Variants in NEURL1 observed in about 807,000 individuals in gnomAD.
NEURL1 encodes the protein neuralized E3 ubiquitin protein ligase 1.
A neutral mutation model predicts 41.2 loss-of-function variants in NEURL1; 26 were observed. The observed-to-expected ratio is 0.63, with a 90% CI of 0.46 to 0.87. The LOEUF (loss-of-function observed/expected upper bound fraction) is 0.87, where lower values mean the gene tolerates loss of function less well. Among genes scored for constraint, NEURL1 ranks in the 40% least tolerant of loss-of-function variants. The pLI, the probability that NEURL1 is intolerant of heterozygous loss-of-function variation, is 0.00. For synonymous variants in NEURL1, 400 were observed against 402.3 expected (o/e 0.99, Z 0.07); for missense variants, 761 against 871.1 (o/e 0.87, Z 1.59).
rs571614546 is a variant in NEURL1 at position 103,590,426 on chromosome 10, C to A, written c.*54C>A. On this transcript the variant is annotated 3_prime_UTR_variant, in exon 6 of 6. Transcript: ENST00000369780. ...CATCTTCTCGGGCTTCAGCCCAGTC[C>A]CAGCTGAGGAACAAGCCAGTGGGGC... 24 of 1,491,476 alleles carry A rather than the reference C, an allele frequency of 1.6e-5. No homozygotes were observed. The Admixed American group carries it at 2.5e-4, about 16-fold the overall frequency. The allele number at this position is 1,491,476 out of a possible 1,614,324, so 92.4% of individuals were successfully genotyped here.
At chr10:103,564,866 A>G (rs1282017799) in intron 1 of NEURL1, among the ~76,000 whole-genome samples, 1 of 152,034 alleles carries the variant, frequency 6.6e-6, no homozygotes, top group Non-Finnish European at 1.5e-5. Flanking sequence ...CCTGCCTCCA[A>G]GATTTTAATG....
At chr10:103,579,961 T>TA (rs776847198) in intron 3 of NEURL1, among the ~76,000 whole-genome samples, 1 of 151,658 alleles carries the variant, frequency 6.6e-6, no homozygotes, top group Non-Finnish European at 1.5e-5. Flanking sequence ...ATAATAATAA[T>TA]AAAAAAAACA....
At chr10:103,571,215 A>G in intron 2 of NEURL1, 102 bp downstream of exon 2, 4 of 1,175,602 alleles carry the variant, frequency 3.4e-6, no homozygotes, top group South Asian at 1.4e-5. Flanking sequence ...GCCTGCTGCC[A>G]CCCCCAGCAC....
At chr10:103,550,293 A>G (rs2035007745) in intron 1 of NEURL1, among the ~76,000 whole-genome samples, 1 of 152,138 alleles carries the variant, frequency 6.6e-6, no homozygotes, top group Non-Finnish European at 1.5e-5. Context: ...GATGGCAGGG[A>G]AAAGAGGGAC....
intron 1 of NEURL1, among the ~76,000 whole-genome samples, chr10:103,495,151 G>A (rs547538791): frequency 3.3e-5 from 5 of 152,294 alleles, no homozygotes; most frequent in African/African-American, 1.2e-4. Flanking sequence ...CCCTCAGGGT[G>A]GCCCTAGGCC....
intron 1 of NEURL1, among the ~76,000 whole-genome samples, chr10:103,539,840 T>C (rs986223994): frequency 6.6e-6 from 1 of 152,240 alleles, no homozygotes; most frequent in African/African-American, 2.4e-5. Context: ...AAGGCTCCTT[T>C]AAAGAGGGGC....
intron 1 of NEURL1, among the ~76,000 whole-genome samples, chr10:103,502,774 T>C (rs1385572378): frequency 6.6e-6 from 1 of 152,022 alleles, no homozygotes; most frequent in Non-Finnish European, 1.5e-5. Context: ...AGAGTGAGGA[T>C]AGGAAGGAGG....
chr10:103,567,604 C>T (rs1371245000), intron 1 of NEURL1, among the ~76,000 whole-genome samples: 1 of 151,874 alleles, frequency 6.6e-6, no homozygotes, highest in Admixed American at 6.6e-5. Context: ...GCTTTTGTTC[C>T]CCAAGCCGGT....
At chr10:103,580,753 G>A (rs1342962270) in intron 3 of NEURL1, among the ~76,000 whole-genome samples, 2 of 152,246 alleles carry the variant, frequency 1.3e-5, no homozygotes, top group Admixed American at 6.5e-5. Flanking sequence ...CTAGGGATTC[G>A]TTCCGTTTTT....
intron 3 of NEURL1, among the ~76,000 whole-genome samples, chr10:103,579,179 C>T (rs1278811783): frequency 6.6e-6 from 1 of 152,236 alleles, no homozygotes; most frequent in Non-Finnish European, 1.5e-5. Context: ...GGGCCCTCCT[C>T]AGTCTGTCTC....
chr10:103,538,601 C>A (rs991118640), intron 1 of NEURL1, among the ~76,000 whole-genome samples: 1 of 151,606 alleles, frequency 6.6e-6, no homozygotes, highest in Non-Finnish European at 1.5e-5. Flanking sequence ...TTCCAACCAC[C>A]TGCTACCCAC....
rs1315507431 is a variant in NEURL1 at position 103,558,406 on chromosome 10, G to A, written c.86-12466G>A. ...TTAGATCTCTGTGTACCTGTGTGAT[G>A]TGTCTCTAACTGTGGATTGAAGCGA... is the stretch of plus-strand genomic sequence containing the variant. On this transcript the variant is annotated intron_variant, in intron 1 of 5. Transcript: ENST00000369780. The surrounding 1 kb of genome is among the most constrained non-coding windows in gnomAD (Gnocchi z 4.2). Among the ~76,000 whole-genome samples, 2 of 152,032 alleles carry A rather than the reference G, an allele frequency of 1.3e-5. No homozygotes were observed. Among genetic ancestry groups the A allele is most frequent in the African/African-American group, 2.4e-5 (1 of 41,378 alleles).
In NEURL1 at chr10:103,494,337, G is replaced by A. The variant is rs763110156; in HGVS notation, c.-51G>A. On this transcript the variant is annotated 5_prime_UTR_variant, in exon 1 of 6. Transcript: ENST00000369780. Reference sequence around the variant, plus strand: ...ACTCGCACACCGCACCTCAGCGCCTGCCCGGCCTCGCCCCCACCCGCGAGC... The same window carrying A: ...ACTCGCACACCGCACCTCAGCGCCTACCCGGCCTCGCCCCCACCCGCGAGC... The A allele has an allele frequency of 1.8e-5, 27 of 1,496,022 alleles. No individual in the cohort carries two copies. The highest frequency in any genetic ancestry group is 2.4e-5 in the Non-Finnish European group (26 of 1,099,800). 92.7% of individuals were successfully genotyped at this position (1,496,022 alleles called of 1,614,324 possible).
intron 1 of NEURL1, among the ~76,000 whole-genome samples, chr10:103,560,454 C>T (rs1377365595): frequency 6.6e-6 from 1 of 152,300 alleles, no homozygotes; most frequent in African/African-American, 2.4e-5. Flanking sequence ...GGGGATGTTG[C>T]AGAGTGAGTG....
chr10:103,533,342 G>T (rs1202711889), intron 1 of NEURL1, among the ~76,000 whole-genome samples: 1 of 151,148 alleles, frequency 6.6e-6, no homozygotes, highest in African/African-American at 2.4e-5. Flanking sequence ...TTCTCTGACT[G>T]GGTAATTTCA....
chr10:103,592,374 C>T lies in NEURL1; in HGVS notation c.*2002C>T, dbSNP rs2036070899. On this transcript the variant is annotated 3_prime_UTR_variant, in exon 6 of 6. Coordinates refer to ENST00000369780, the MANE Select transcript of NEURL1 (RefSeq NM_004210.5). This position sits in a 1 kb window ranked among gnomAD's most constrained non-coding sequence, Gnocchi z 4.8. ...AGTCACTGACCCTGGGAGACCCCTT[C>T]TGTGTGGGAGGGAGCGGGGGCTGGC... is the stretch of plus-strand genomic sequence containing the variant. The T allele has an allele frequency of 6.6e-6, 1 of 152,532 alleles. No individual in the cohort carries two copies. Among genetic ancestry groups the T allele is most frequent in the Non-Finnish European group, 1.5e-5 (1 of 68,074 alleles). The allele number at this position is 152,532 out of a possible 1,614,324, so 9.4% of individuals were successfully genotyped here.
At chr10:103,570,765 C>T in intron 1 of NEURL1, 107 bp from the exon 2 acceptor site, 1 of 1,516,148 alleles carries the variant, frequency 6.6e-7, no homozygotes, top group African/African-American at 1.4e-5. Context: ...AAGAACTGGG[C>T]TCTGGGTGAC....
chr10:103,584,618 C>G lies in NEURL1; in HGVS notation c.732C>G (p.Asp244Glu). 3.5e-6 allele frequency: 5 copies of G among 1,415,582 alleles called. No homozygotes were observed. The highest frequency in any genetic ancestry group is 4.6e-6 in the Non-Finnish European group (5 of 1,090,960). The allele number at this position is 1,415,582 out of a possible 1,614,324, so 87.7% of individuals were successfully genotyped here. Residue 244 changes from aspartate (D) to glutamate (E), a missense_variant, in exon 4 of 6, where the codon GAC becomes GAG. Transcript: ENST00000369780. ...GGCCGTCGCTGCGGCGCGAGGCGGA[C>G]GACGCGCGCCTCTCGGTGAGCCTAT... ...LRRPSLRREADDARLSVSLCD... is the reference protein window; with the variant it reads ...LRRPSLRREAEDARLSVSLCD...
chr10:103,585,297 G>A lies in NEURL1; in HGVS notation c.1339+72G>A, dbSNP rs2035895931. On this transcript the variant is annotated intron_variant, in intron 4 of 5. Coordinates refer to ENST00000369780, the MANE Select transcript of NEURL1 (RefSeq NM_004210.5). ...GGGACGATCCGGGTAGGAGACAAAGGGCGAGCTCCCCTTCCTCCAGGCTCA... is the reference window on the plus strand; with the variant it reads ...GGGACGATCCGGGTAGGAGACAAAGAGCGAGCTCCCCTTCCTCCAGGCTCA... 5 of 1,298,842 alleles carry A rather than the reference G, an allele frequency of 3.8e-6. No homozygotes were observed. The South Asian group carries it at 7.8e-5, about 20-fold the overall frequency. The allele number at this position is 1,298,842 out of a possible 1,614,324, so 80.5% of individuals were successfully genotyped here.
Sources: allele counts gnomAD v4.1 joint callset (sites outside exome capture counted in the v4.1 genomes callset), GRCh38; gene constraint gnomAD v4.1.1; non-coding constraint Gnocchi (gnomAD v3.1); transcripts MANE v1.5; gene names NCBI Gene and HGNC (gene_info 2026-07-23, HGNC 2026-07-21).